Variants in ITFG1 observed in about 807,000 individuals in gnomAD.
The protein encoded by ITFG1 is T-cell immunomodulatory protein.
In ITFG1, 34 loss-of-function variants were observed where a neutral mutation model predicts 81.8. That is an observed-to-expected ratio of 0.42 (90% CI 0.32 to 0.55). The LOEUF (loss-of-function observed/expected upper bound fraction) is 0.55. ITFG1 is among the 20% of genes least tolerant of loss of function. The probability of loss-of-function intolerance (pLI) is 0.17; values close to 1 mark genes in which losing one functional copy is unlikely to be tolerated. For missense variants in ITFG1, 672 were observed against 755.4 expected, an observed-to-expected ratio of 0.89 and a Z score of 1.29; for synonymous variants, 285 against 270.6, an observed-to-expected ratio of 1.05 and a Z score of -0.52.
chr16:47,341,354 C>T (rs1349758836), intron 8 of ITFG1, among the ~76,000 whole-genome samples: 2 of 146,394 alleles, frequency 1.4e-5, no homozygotes, highest in African/African-American at 5.0e-5. Context: ...GGGATGATCC[C>T]TTGAGCCCAG....
In ITFG1 at chr16:47,438,768, A is replaced by C. The variant is rs188979332; in HGVS notation, c.561-9870T>G. Among the ~76,000 whole-genome samples the C allele has an allele frequency of 2.9e-3, 441 of 152,332 alleles. 2 individuals are homozygous for C. Among genetic ancestry groups the C allele is most frequent in the Non-Finnish European group, 3.1e-3 (209 of 68,036 alleles). On this transcript the variant is annotated intron_variant, in intron 5 of 17. Coordinates refer to ENST00000320640, the MANE Select transcript of ITFG1 (RefSeq NM_030790.5). The stretch of plus-strand genomic sequence containing the variant: ...AACAGAAAAACTAGAAACTCTAAAA[A>C]TCAGAGCACCTCTCCTCCTCCAAAG...
At chr16:47,364,529 C>T (rs1047154133) in intron 8 of ITFG1, among the ~76,000 whole-genome samples, 6 of 152,234 alleles carry the variant, frequency 3.9e-5, no homozygotes, top group African/African-American at 9.6e-5. Context: ...TAAAGAGAGA[C>T]TTGCAGATAG....
intron 10 of ITFG1, among the ~76,000 whole-genome samples, chr16:47,272,865 A>G (rs1009496041): frequency 2.0e-5 from 3 of 150,884 alleles, no homozygotes; most frequent in African/African-American, 7.3e-5. Context: ...TAAAATGTAC[A>G]TATTAAATGT....
intron 8 of ITFG1, among the ~76,000 whole-genome samples, chr16:47,324,469 C>A (rs1021869089): frequency 3.3e-5 from 5 of 152,148 alleles, no homozygotes; most frequent in Admixed American, 6.6e-5. Flanking sequence ...ATGACAGGAT[C>A]AAATTCACAC....
At chr16:47,439,116 G>A (rs1219678864) in intron 5 of ITFG1, among the ~76,000 whole-genome samples, 9 of 152,146 alleles carry the variant, frequency 5.9e-5, no homozygotes, top group Non-Finnish European at 1.3e-4. Flanking sequence ...GAAATGAAGC[G>A]TGAATAGAAG....
chr16:47,162,509 T>C (rs755167604), intron 15 of ITFG1, 31 bp downstream of exon 15: 9 of 1,531,928 alleles, frequency 5.9e-6, no homozygotes, highest in Admixed American at 5.4e-5. Flanking sequence ...AAAACATAGA[T>C]TAATTGTAAA....
intron 10 of ITFG1, among the ~76,000 whole-genome samples, chr16:47,285,290 A>C (rs1277161564): frequency 6.6e-6 from 1 of 152,220 alleles, no homozygotes; most frequent in Non-Finnish European, 1.5e-5. Flanking sequence ...ATCCGAGCTG[A>C]ACAAGTGGAG....
chr16:47,348,115 A>G (rs753039468), intron 8 of ITFG1, among the ~76,000 whole-genome samples: 23 of 152,202 alleles, frequency 1.5e-4, no homozygotes, highest in Non-Finnish European at 2.4e-4. Flanking sequence ...TGGGGAAAAA[A>G]CAGAACAGAA....
At chr16:47,300,084 A>G (rs1460883393) in intron 10 of ITFG1, 1 of 152,220 alleles carries the variant, frequency 6.6e-6, no homozygotes, top group Non-Finnish European at 1.5e-5. Context: ...AGAGGGACAT[A>G]GTACTCTCCT....
chr16:47,334,115 G>T (rs1026126418), intron 8 of ITFG1, among the ~76,000 whole-genome samples: 1 of 152,208 alleles, frequency 6.6e-6, no homozygotes, highest in African/African-American at 2.4e-5. Context: ...TGAAATCCAT[G>T]AATGTTACTC....
chr16:47,411,246 C>A (rs1272315141), intron 6 of ITFG1, among the ~76,000 whole-genome samples: 3 of 152,172 alleles, frequency 2.0e-5, no homozygotes, highest in African/African-American at 7.2e-5. Context: ...GGGCATGCCT[C>A]CTTCCACAGG....
chr16:47,407,212 G>A (rs1312614741), intron 6 of ITFG1, among the ~76,000 whole-genome samples: 1 of 152,236 alleles, frequency 6.6e-6, no homozygotes, highest in Non-Finnish European at 1.5e-5. Context: ...GGTGAGAAAT[G>A]ATGGCGACTT....
At chr16:47,300,514 T>A (rs573338319) in intron 10 of ITFG1, among the ~76,000 whole-genome samples, 1 of 152,278 alleles carries the variant, frequency 6.6e-6, no homozygotes, top group Non-Finnish European at 1.5e-5. Context: ...CTGGAGACTA[T>A]CCCACCTTTC....
At chr16:47,399,707 A>G (rs1163981108) in intron 6 of ITFG1, among the ~76,000 whole-genome samples, 3 of 152,230 alleles carry the variant, frequency 2.0e-5, no homozygotes, top group Non-Finnish European at 2.9e-5. Flanking sequence ...ATGGTCCCCT[A>G]CAATGAGTGA....
At chr16:47,391,674 C>T (rs1968533203) in intron 6 of ITFG1, among the ~76,000 whole-genome samples, 2 of 152,156 alleles carry the variant, frequency 1.3e-5, no homozygotes, top group South Asian at 4.1e-4. Context: ...ATGTGAAAGG[C>T]TTCTGAAGAT....
intron 11 of ITFG1, among the ~76,000 whole-genome samples, chr16:47,259,705 C>G (rs1182601166): frequency 6.6e-6 from 1 of 152,104 alleles, no homozygotes; most frequent in African/African-American, 2.4e-5. Flanking sequence ...TGGAATTTAA[C>G]ATTGCTTTTT....
chr16:47,440,333 G>A (rs915452779), intron 5 of ITFG1, among the ~76,000 whole-genome samples: 1 of 152,134 alleles, frequency 6.6e-6, no homozygotes, highest in Non-Finnish European at 1.5e-5. Flanking sequence ...GCACCAAGCG[G>A]ACCTAATAGA....
intron 10 of ITFG1, among the ~76,000 whole-genome samples, chr16:47,291,060 G>A (rs1429041117): frequency 6.6e-6 from 1 of 152,012 alleles, no homozygotes; most frequent in African/African-American, 2.4e-5. Context: ...TTCTTGTAAG[G>A]CTGATCTAGC....
At chr16:47,222,389 G>A (rs1965702466) in intron 13 of ITFG1, among the ~76,000 whole-genome samples, 1 of 150,846 alleles carries the variant, frequency 6.6e-6, no homozygotes, top group Non-Finnish European at 1.5e-5. Context: ...CCATGCAGTT[G>A]AGTGGTTTTG....
Sources: allele counts gnomAD v4.1 joint callset (sites outside exome capture counted in the v4.1 genomes callset), GRCh38; gene constraint gnomAD v4.1.1; transcripts MANE v1.5; gene names NCBI Gene and HGNC (gene_info 2026-07-23, HGNC 2026-07-21).